Variants in NUDT5 observed in about 807,000 individuals in gnomAD.
NUDT5 encodes ADP-sugar pyrophosphatase.
Under a neutral mutation model 34.1 loss-of-function variants are expected in NUDT5, and 21 were observed. That is an observed-to-expected ratio of 0.62 (90% CI 0.44 to 0.89). The LOEUF (loss-of-function observed/expected upper bound fraction) is 0.89, where lower values mean the gene tolerates loss of function less well. Among genes scored for constraint, NUDT5 ranks in the 40% least tolerant of loss-of-function variants. The pLI is 0.00. For missense variants in NUDT5, 249 were observed against 274.8 expected, an observed-to-expected ratio of 0.91 and a Z score of 0.66; for synonymous variants, 85 against 97.6, an observed-to-expected ratio of 0.87 and a Z score of 0.76.
At chr10:12,185,262 A>C (rs1189129268) in intron 2 of NUDT5, among the ~76,000 whole-genome samples, 1 of 152,172 alleles carries the variant, frequency 6.6e-6, no homozygotes, top group African/African-American at 2.4e-5. Context: ...ACTGGAAGGG[A>C]GCACATGGGG....
intron 3 of NUDT5, among the ~76,000 whole-genome samples, chr10:12,184,138 G>A (rs1191297863): frequency 2.6e-5 from 4 of 152,032 alleles, no homozygotes; most frequent in African/African-American, 7.2e-5. Context: ...TGCAACTTCC[G>A]CCTCCCGGGT....
At chr10:12,167,989 T>G in intron 9 of NUDT5, 178 bp from the exon 10 acceptor site, 1 of 1,197,978 alleles carries the variant, frequency 8.3e-7, no homozygotes, top group Non-Finnish European at 1.1e-6. Flanking sequence ...AAGGCAAGAT[T>G]ACATTCCTAG....
At chr10:12,184,544 A>G (rs1439647916) in intron 3 of NUDT5, 1 of 1,529,092 alleles carries the variant, frequency 6.5e-7, no homozygotes, top group South Asian at 1.2e-5. Flanking sequence ...TAATTTAGAA[A>G]TTAAAAACAG....
rs941065614 is a variant in NUDT5 at position 12,170,045 on chromosome 10, T to TACAGTATCTCCTCGTCTCCAC, written c.550+651_550+671dup. ...TTGAAGGGCCCATGGTATGTCTCCA[T>TACAGTATCTCCTCGTCTCCAC]ACAGTATCTCCTCGTCTCCACACAG... On this transcript the variant is annotated intron_variant, in intron 9 of 9. Transcript: ENST00000491614. The surrounding 1 kb of genome is among the most constrained non-coding windows in gnomAD (Gnocchi z 4.9). 2.7e-6 allele frequency: 4 copies of TACAGTATCTCCTCGTCTCCAC among 1,506,830 alleles called. No homozygotes were observed. The highest frequency in any genetic ancestry group is 3.4e-5 in the Admixed American group (2 of 59,630). 93.3% of individuals were successfully genotyped at this position (1,506,830 alleles called of 1,614,324 possible).
chr10:12,192,104 T>C (rs1835240573), intron 1 of NUDT5, among the ~76,000 whole-genome samples: 1 of 152,162 alleles, frequency 6.6e-6, no homozygotes, highest in South Asian at 2.1e-4. Context: ...ACATCATAAG[T>C]AGAGCCTCTG....
rs2131691370 is a variant in NUDT5, at chr10:12,166,874, A to G, written c.*828T>C. On this transcript the variant is annotated 3_prime_UTR_variant, in exon 10 of 10. Transcript: ENST00000491614. ...GATCAATCTGTACTTCTTGCTGTGA[A>G]CTACTCTGTATTGGGTTTCAGGTAC... The G allele has an allele frequency of 2.5e-6, 1 of 399,136 alleles. No homozygotes were observed. The highest frequency in any genetic ancestry group is 1.9e-5 in the South Asian group (1 of 51,948). The allele number at this position is 399,136 out of a possible 1,614,324, so 24.7% of individuals were successfully genotyped here.
intron 1 of NUDT5, among the ~76,000 whole-genome samples, chr10:12,194,702 AAGG>A (rs1454834000): frequency 6.6e-6 from 1 of 152,226 alleles, no homozygotes; most frequent in African/African-American, 2.4e-5. Flanking sequence ...TTATTATTCT[AAGG>A]AACACCCTTC....
chr10:12,184,849 C>A (rs375275683), intron 3 of NUDT5, 40 bp downstream of exon 3: 15 of 1,136,986 alleles, frequency 1.3e-5, no homozygotes, highest in Non-Finnish European at 1.7e-5. Context: ...ACCTGAGAAC[C>A]CAAATAACGA....
chr10:12,191,328 A>C (rs1469346996), intron 1 of NUDT5, among the ~76,000 whole-genome samples: 1 of 152,148 alleles, frequency 6.6e-6, no homozygotes, highest in Non-Finnish European at 1.5e-5. Flanking sequence ...GCTTGCAGTG[A>C]GCCAAGATTG....
rs1834881427 is a variant in NUDT5 at position 12,172,840 on chromosome 10, T to G, written c.412A>C (p.Asn138His). ...ACTGTCACGATGTGTATAGTACAGT[T>G]TGACAAGCCTGGGTCCATACAGACC... ...PAVCMDPGLS[N>H]CTIHIVTVTI... The change falls in exon 7 of 10, where the codon AAC becomes CAC. Residue 138 changes from asparagine (N) to histidine (H), a missense_variant. Coordinates refer to ENST00000491614, the MANE Select transcript of NUDT5 (RefSeq NM_014142.4). The G allele has an allele frequency of 6.2e-7, 1 of 1,614,196 alleles. No individual in the cohort carries two copies.
In NUDT5 at chr10:12,179,149, G is replaced by T; in HGVS notation, c.132-17C>A. 2.5e-6 allele frequency: 4 copies of T among 1,603,746 alleles called. No homozygotes were observed. Among genetic ancestry groups the T allele is most frequent in the Non-Finnish European group, 3.4e-6 (4 of 1,176,546 alleles). The stretch of plus-strand genomic sequence containing the variant: ...TCCCAAGTTCTGTTCAGGCAGAGAA[G>T]AAAAAAAAGTCATTAGTGCTACAGA... On this transcript the variant is annotated splice_polypyrimidine_tract_variant and intron_variant, in intron 3 of 9. Transcript: ENST00000491614.
chr10:12,185,019 G>T, intron 2 of NUDT5, 63 bp from the exon 3 acceptor site: 3 of 842,102 alleles, frequency 3.6e-6, no homozygotes, highest in Non-Finnish European at 4.0e-6. Context: ...ATCTAAAAGG[G>T]TTTTTCTTTC....
At chr10:12,179,311 C>T (rs369085092) in intron 3 of NUDT5, among the ~76,000 whole-genome samples, 179 bp from the exon 4 acceptor site, 2 of 152,336 alleles carry the variant, frequency 1.3e-5, no homozygotes, top group South Asian at 2.1e-4. Flanking sequence ...TTTCCTATAG[C>T]TTCTGAAAAT....
rs1315948682 is a variant in NUDT5 at position 12,166,265 on chromosome 10, A to T, written c.*1437T>A. On this transcript the variant is annotated 3_prime_UTR_variant, in exon 10 of 10. Coordinates refer to ENST00000491614, the MANE Select transcript of NUDT5 (RefSeq NM_014142.4). The stretch of plus-strand genomic sequence containing the variant: ...ACGGATGCCTTCTCTCTTGATTTCA[A>T]TGATTGATAGCATGTGGCTTTCAGA... 6.5e-6 allele frequency: 1 copy of T among 153,358 alleles called. No individual in the cohort carries two copies. The highest frequency in any genetic ancestry group is 1.5e-5 in the Non-Finnish European group (1 of 68,836). The allele number at this position is 153,358 out of a possible 1,614,324, so 9.5% of individuals were successfully genotyped here.
intron 3 of NUDT5, among the ~76,000 whole-genome samples, chr10:12,184,317 T>C (rs919012029): frequency 2.0e-5 from 3 of 147,812 alleles, no homozygotes; most frequent in Non-Finnish European, 3.0e-5. Context: ...ACCCTTGGCC[T>C]CCCAAAGTGC....
Position 12,170,276 on chromosome 10 carries a change from A to T in NUDT5, c.550+441T>A. The T allele has an allele frequency of 7.6e-7, 1 of 1,313,512 alleles. No individual in the cohort carries two copies. The highest frequency in any genetic ancestry group is 1.1e-6 in the Non-Finnish European group (1 of 917,200). 81.4% of individuals were successfully genotyped at this position (1,313,512 alleles called of 1,614,324 possible). On this transcript the variant is annotated intron_variant, in intron 9 of 9. Coordinates refer to ENST00000491614, the MANE Select transcript of NUDT5 (RefSeq NM_014142.4). This position sits in a 1 kb window ranked among gnomAD's most constrained non-coding sequence, Gnocchi z 4.9. ...ATATCACACGGAGTATACAGGAAATACCTCAAGTATTTGTTGAAGGAGCAT... is the reference window on the plus strand; with the variant it reads ...ATATCACACGGAGTATACAGGAAATTCCTCAAGTATTTGTTGAAGGAGCAT...
chr10:12,180,795 T>G (rs1389255190), intron 3 of NUDT5, among the ~76,000 whole-genome samples: 1 of 152,182 alleles, frequency 6.6e-6, no homozygotes, highest in African/African-American at 2.4e-5. Flanking sequence ...TCTTCTAGCT[T>G]TAGGATTCTG....
At chr10:12,188,924 G>A (rs1041193117) in intron 1 of NUDT5, among the ~76,000 whole-genome samples, 10 of 152,062 alleles carry the variant, frequency 6.6e-5, no homozygotes, top group African/African-American at 1.2e-4. Context: ...TAATCTACAC[G>A]GAGTGATCAG....
At chr10:12,190,559 A>AGGGACAC (rs888410380) in intron 1 of NUDT5, among the ~76,000 whole-genome samples, 4 of 150,646 alleles carry the variant, frequency 2.7e-5, no homozygotes, top group African/African-American at 9.8e-5. Context: ...GTTTTAAAGG[A>AGGGACAC]GGGACACACA....
Sources: allele counts gnomAD v4.1 joint callset (sites outside exome capture counted in the v4.1 genomes callset), GRCh38; gene constraint gnomAD v4.1.1; non-coding constraint Gnocchi (gnomAD v3.1); transcripts MANE v1.5; gene names NCBI Gene and HGNC (gene_info 2026-07-23, HGNC 2026-07-21).